The following BBS9 variants were observed in gnomAD, a reference collection of about 807,000 sequenced individuals.
BBS9 encodes the protein Bardet-Biedl syndrome 9.
In BBS9, 89 loss-of-function variants were observed where a neutral mutation model predicts 117.7. That is an observed-to-expected ratio of 0.76 (90% CI 0.64 to 0.90). The LOEUF is 0.90. BBS9 is among the 40% of genes least tolerant of loss of function. The pLI is 0.00. For missense variants in BBS9, 982 were observed against 1,042.2 expected, an observed-to-expected ratio of 0.94 and a Z score of 0.80; for synonymous variants, 379 against 370.9, an observed-to-expected ratio of 1.02 and a Z score of -0.25.
At chr7:33,466,850 T>C (rs544708303) in intron 19 of BBS9, among the ~76,000 whole-genome samples, 11 of 152,148 alleles carry the variant, frequency 7.2e-5, no homozygotes, top group Non-Finnish European at 1.3e-4. Flanking sequence ...GTCACAAGCA[T>C]GGGTTTATTA....
chr7:33,490,425 C>T (rs1173956716), intron 19 of BBS9, among the ~76,000 whole-genome samples: 1 of 152,140 alleles, frequency 6.6e-6, no homozygotes, highest in Non-Finnish European at 1.5e-5. Flanking sequence ...AGGACCAAAG[C>T]TGTCATGTCC....
In BBS9 at chr7:33,265,024, G is replaced by T. The variant is rs1798577954; in HGVS notation, c.702+650G>T. On this transcript the variant is annotated intron_variant, in intron 7 of 22. Coordinates refer to ENST00000242067, the MANE Select transcript of BBS9 (RefSeq NM_198428.3). ...AGTAGTTTGAAGAAAAATTGTAAAT[G>T]ATGAATTCTCCATTTATTGTAAATT... is the stretch of plus-strand genomic sequence containing the variant. Among the ~76,000 whole-genome samples, 4 of 152,128 alleles carry T rather than the reference G, an allele frequency of 2.6e-5. No individual in the cohort carries two copies. The South Asian group carries it at 8.3e-4, about 31-fold the overall frequency.
chr7:33,342,540 T>C (rs1816769720), intron 11 of BBS9, among the ~76,000 whole-genome samples: 1 of 152,174 alleles, frequency 6.6e-6, no homozygotes, highest in African/African-American at 2.4e-5. Context: ...ATAATGTATA[T>C]TTCCCTATTG....
chr7:33,243,950 G>A (rs1014366968), intron 5 of BBS9, among the ~76,000 whole-genome samples: 3 of 152,094 alleles, frequency 2.0e-5, no homozygotes, highest in African/African-American at 7.2e-5. Context: ...GGGGCCAGGC[G>A]GAGTGGCTCA....
chr7:33,544,849 T>TC (rs1263678129), intron 21 of BBS9, among the ~76,000 whole-genome samples: 2 of 152,042 alleles, frequency 1.3e-5, no homozygotes, highest in Non-Finnish European at 2.9e-5. Flanking sequence ...GTTCAGGCTG[T>TC]CCTTGAGGGG....
intron 19 of BBS9, among the ~76,000 whole-genome samples, chr7:33,469,442 G>A (rs569740297): frequency 6.6e-6 from 1 of 152,154 alleles, no homozygotes; most frequent in African/African-American, 2.4e-5. Context: ...AATATCTGTG[G>A]AATATACTGT....
intron 19 of BBS9, among the ~76,000 whole-genome samples, chr7:33,417,703 C>T (rs898620020): frequency 1.3e-4 from 20 of 152,178 alleles, no homozygotes; most frequent in African/African-American, 4.6e-4. Flanking sequence ...GATTTTCTAG[C>T]TAATCAGAGT....
In BBS9 at chr7:33,316,772, C is replaced by G. The variant is rs572802627; in HGVS notation, c.1017-19669C>G. Among the ~76,000 whole-genome samples the G allele has an allele frequency of 6.6e-5, 10 of 152,266 alleles. No individual in the cohort carries two copies. The South Asian group carries it at 2.1e-3, about 32-fold the overall frequency. On this transcript the variant is annotated intron_variant, in intron 9 of 22. Coordinates refer to ENST00000242067, the MANE Select transcript of BBS9 (RefSeq NM_198428.3). ...TAGTAGTTCTTTATATAGAAGGACG[C>G]AAGTCCTTTGATGAAAATTTGTTTA...
At chr7:33,180,448 ACT>A (rs1797938447) in intron 5 of BBS9, among the ~76,000 whole-genome samples, 1 of 146,978 alleles carries the variant, frequency 6.8e-6, no homozygotes. Flanking sequence ...GCAACCTCCG[ACT>A]CCCTGGTTCA....
intron 19 of BBS9, among the ~76,000 whole-genome samples, chr7:33,409,758 G>A (rs73314908): frequency 0.085 from 12,928 of 152,168 alleles, 580 homozygotes; most frequent in South Asian, 0.14. Flanking sequence ...TTTTCCTAAC[G>A]ATGTTGAACT....
chr7:33,534,039 T>C lies in BBS9; in HGVS notation c.2384T>C (p.Leu795Pro), dbSNP rs1235349225. 1.2e-6 allele frequency: 2 copies of C among 1,614,054 alleles called. No individual in the cohort carries two copies. Among genetic ancestry groups the C allele is most frequent in the Admixed American group, 3.3e-5 (2 of 60,014 alleles). Residue 795 changes from leucine (L) to proline (P), a missense_variant, in exon 21 of 23, where the codon CTC becomes CCC. Coordinates refer to ENST00000242067, the MANE Select transcript of BBS9 (RefSeq NM_198428.3). ...AGTTCTAAGGAGCAGGCTTTGAACCTCAACAGCCAGCTGAACATACCCAAA... is the reference window on the plus strand; with the variant it reads ...AGTTCTAAGGAGCAGGCTTTGAACCCCAACAGCCAGCTGAACATACCCAAA... ...SKSSKEQALN[L>P]NSQLNIPKDT...
At chr7:33,496,125 A>G (rs1282990532) in intron 19 of BBS9, among the ~76,000 whole-genome samples, 1 of 152,190 alleles carries the variant, frequency 6.6e-6, no homozygotes, top group East Asian at 1.9e-4. Context: ...TTATGAAGAC[A>G]AATCATTTTT....
intron 20 of BBS9, among the ~76,000 whole-genome samples, chr7:33,517,321 A>G (rs150353254): frequency 6.6e-6 from 1 of 152,308 alleles, no homozygotes; most frequent in African/African-American, 2.4e-5. Flanking sequence ...TCCCATTCCT[A>G]TCTCTTAACC....
intron 9 of BBS9, among the ~76,000 whole-genome samples, chr7:33,324,847 C>T (rs1307215596): frequency 6.6e-6 from 1 of 152,182 alleles, no homozygotes; most frequent in African/African-American, 2.4e-5. Context: ...TTCTGCCAGA[C>T]ATACTGGAGC....
chr7:33,392,385 T>C (rs1827212912), intron 19 of BBS9, among the ~76,000 whole-genome samples: 1 of 152,216 alleles, frequency 6.6e-6, no homozygotes, highest in Non-Finnish European at 1.5e-5. Context: ...CTCATGTATT[T>C]GGCAGATGGC....
downstream of BBS9, among the ~76,000 whole-genome samples, chr7:33,607,362 T>C (rs1243131721): frequency 3.3e-5 from 5 of 152,122 alleles, no homozygotes; most frequent in Non-Finnish European, 5.9e-5. Context: ...GATTTGAATC[T>C]TGAAAATTCA....
At chr7:33,505,978 G>A (rs1159754145) in intron 20 of BBS9, among the ~76,000 whole-genome samples, 6 of 152,080 alleles carry the variant, frequency 3.9e-5, no homozygotes, top group Admixed American at 2.6e-4. Context: ...TTCCTTTTCC[G>A]CCAGAGAAAA....
intron 16 of BBS9, among the ~76,000 whole-genome samples, chr7:33,366,644 A>G (rs1301295258): frequency 7.0e-6 from 1 of 142,676 alleles, no homozygotes; most frequent in Non-Finnish European, 1.5e-5. Context: ...TCCTGGGTTC[A>G]AGCGATTCTC....
At chr7:33,217,746 T>A (rs1350604793) in intron 5 of BBS9, among the ~76,000 whole-genome samples, 1 of 152,184 alleles carries the variant, frequency 6.6e-6, no homozygotes, top group Non-Finnish European at 1.5e-5. Context: ...CCATGTTGAG[T>A]ATGCTAAGTA....
Sources: gnomAD v4.1 joint callset for allele counts (sites outside exome capture counted in the v4.1 genomes callset) on GRCh38, gnomAD v4.1.1 for gene constraint, MANE v1.5 for transcripts, NCBI Gene and HGNC (gene_info 2026-07-23, HGNC 2026-07-21) for gene names.